PPP1R1C: variants seen among roughly 807,000 people sequenced by gnomAD.
PPP1R1C encodes protein phosphatase 1 regulatory subunit 1C.
PPP1R1C carries 15 observed loss-of-function variants against 17.4 expected under a neutral mutation model. The observed-to-expected ratio is 0.86, with a 90% CI of 0.58 to 1.33. The LOEUF (loss-of-function observed/expected upper bound fraction) is 1.33, where lower values mean the gene tolerates loss of function less well. Ranked by LOEUF, PPP1R1C falls within the 40% of genes most tolerant of loss-of-function variation. The pLI, the probability that PPP1R1C is intolerant of heterozygous loss-of-function variation, is 0.00. For synonymous variants in PPP1R1C, 35 were observed against 43.1 expected, an observed-to-expected ratio of 0.81 and a Z score of 0.73; for missense variants, 143 against 130.0, an observed-to-expected ratio of 1.10 and a Z score of -0.48.
rs1024242974 is a variant in PPP1R1C, at chr2:181,957,314, G to A, written n.111+2680G>A. 2.0e-5 allele frequency among the ~76,000 whole-genome samples: 3 copies of A among 152,020 alleles called. No individual in the cohort carries two copies. Among genetic ancestry groups the A allele is most frequent in the Non-Finnish European group, 2.9e-5 (2 of 67,994 alleles). ...GGAGGTTGTGGTAAGCCGAGGTAGC[G>A]CCACTGCACTTCAACCTGGGCGACA... On this transcript the variant is annotated intron_variant and non_coding_transcript_variant, in intron 1 of 5. Transcript: ENST00000464264. This position sits in a 1 kb window ranked among gnomAD's most constrained non-coding sequence, Gnocchi z 4.2.
chr2:182,071,785 C>A (rs1688147340), intron 4 of PPP1R1C, among the ~76,000 whole-genome samples: 1 of 152,180 alleles, frequency 6.6e-6, no homozygotes, highest in Non-Finnish European at 1.5e-5. Context: ...ATATTACTTA[C>A]TTTGTTGCTC....
Position 181,985,919 on chromosome 2 carries a change from T to G in PPP1R1C, c.-192T>G, listed in dbSNP as rs1478543320. 1.6e-6 allele frequency: 1 copy of G among 607,664 alleles called. No individual in the cohort carries two copies. Among genetic ancestry groups the G allele is most frequent in the Non-Finnish European group, 2.9e-6 (1 of 340,910 alleles). The allele number at this position is 607,664 out of a possible 1,614,324, so 37.6% of individuals were successfully genotyped here. On this transcript the variant is annotated 5_prime_UTR_variant, in exon 1 of 5. Coordinates refer to ENST00000682840, the MANE Select transcript of PPP1R1C (RefSeq NM_001080545.3). This position sits in a 1 kb window ranked among gnomAD's most constrained non-coding sequence, Gnocchi z 4.1. Reference sequence around the variant, plus strand: ...GGTGGGGGAACAGGCAAGCCAGGCATCACCGTGGATGTTGAAGAAGGGGGT... The same window carrying G: ...GGTGGGGGAACAGGCAAGCCAGGCAGCACCGTGGATGTTGAAGAAGGGGGT...
intron 4 of PPP1R1C, among the ~76,000 whole-genome samples, chr2:182,074,886 G>T (rs1482337597): frequency 6.6e-6 from 1 of 152,158 alleles, no homozygotes; most frequent in Middle Eastern, 3.2e-3. Context: ...CTTGTACTCT[G>T]TGCAACATTC....
In PPP1R1C at chr2:182,044,416, C is replaced by T. The variant is rs184553487; in HGVS notation, c.143-17026C>T. Among the ~76,000 whole-genome samples, 19 of 152,266 alleles carry T rather than the reference C, an allele frequency of 1.2e-4. 1 individual carries two copies. The highest frequency in any genetic ancestry group is 1.9e-4 in the Non-Finnish European group (13 of 68,014). On this transcript the variant is annotated intron_variant, in intron 2 of 4. Coordinates refer to ENST00000682840, the MANE Select transcript of PPP1R1C (RefSeq NM_001080545.3). ...TGAGCTTTTTCTAATTTCTAAAAAA[C>T]GTCATGCTCTCTCACACCTCAGGGA...
chr2:182,125,756 T>A (rs1689858163), intron 5 of PPP1R1C, among the ~76,000 whole-genome samples: 1 of 152,238 alleles, frequency 6.6e-6, no homozygotes, highest in African/African-American at 2.4e-5. Context: ...CCTTTATAAC[T>A]TTTTAATGTG....
chr2:182,028,498 C>T (rs1168581525), intron 2 of PPP1R1C, among the ~76,000 whole-genome samples: 1 of 152,186 alleles, frequency 6.6e-6, no homozygotes, highest in African/African-American at 2.4e-5. Flanking sequence ...GCAGGTTCTT[C>T]AGTTTCCATG....
rs1358709631 is a variant in PPP1R1C at position 182,129,426 on chromosome 2, T to C, written c.*459T>C. The C allele has an allele frequency of 4.6e-5, 7 of 152,274 alleles. No individual in the cohort carries two copies. The East Asian group carries it at 5.8e-4, about 13-fold the overall frequency. 9.4% of individuals were successfully genotyped at this position (152,274 alleles called of 1,614,324 possible). A position where few individuals can be genotyped will look rare whatever the true frequency, so the allele number is the denominator to read the frequency against. ...TGCCTTGTTTCTTTTTCAAATTCCATTGGTCTTGATTTAATTTAGTTCCAC... is the reference window on the plus strand; with the variant it reads ...TGCCTTGTTTCTTTTTCAAATTCCACTGGTCTTGATTTAATTTAGTTCCAC... On this transcript the variant is annotated 3_prime_UTR_variant, in exon 6 of 6. Coordinates refer to the PPP1R1C transcript ENST00000280295.
In PPP1R1C at chr2:182,112,973, T is replaced by C. The variant is rs751788324; in HGVS notation, c.242-4234T>C. Among the ~76,000 whole-genome samples the C allele has an allele frequency of 2.7e-4, 41 of 152,214 alleles. 1 individual carries two copies. Among genetic ancestry groups the C allele is most frequent in the Admixed American group, 2.7e-3 (41 of 15,278 alleles). On this transcript the variant is annotated intron_variant, in intron 4 of 4. Transcript: ENST00000682840. ...TATCATTTGACATTATAATTACTTT[T>C]TTGTAACTTATAGTACTCAAAACAG...
At chr2:181,986,414 T>A (rs1685299488) in intron 1 of PPP1R1C, among the ~76,000 whole-genome samples, 1 of 152,198 alleles carries the variant, frequency 6.6e-6, no homozygotes, top group Admixed American at 6.5e-5. Context: ...AATTAGCACC[T>A]CTGAGGGGAA....
At chr2:182,012,673 G>T (rs1686119919) in intron 2 of PPP1R1C, among the ~76,000 whole-genome samples, 1 of 151,940 alleles carries the variant, frequency 6.6e-6, no homozygotes, top group South Asian at 2.1e-4. Context: ...GTTGTTTTGT[G>T]GTCTTCCTTC....
chr2:182,111,539 C>A (rs1277592821), intron 4 of PPP1R1C, among the ~76,000 whole-genome samples: 1 of 152,000 alleles, frequency 6.6e-6, no homozygotes, highest in East Asian at 1.9e-4. Flanking sequence ...CCCTTGTTGT[C>A]TGTGACCTTC....
At chr2:181,954,992 A>G (rs1304712169) in intron 1 of PPP1R1C, among the ~76,000 whole-genome samples, 2 of 152,228 alleles carry the variant, frequency 1.3e-5, no homozygotes, top group Non-Finnish European at 2.9e-5. Context: ...GTGCTGATAC[A>G]AAAATCAGTC....
intron 2 of PPP1R1C, among the ~76,000 whole-genome samples, chr2:182,034,840 A>T (rs140465925): frequency 6.6e-6 from 1 of 152,226 alleles, no homozygotes; most frequent in Non-Finnish European, 1.5e-5. Context: ...TAGGCCACCA[A>T]AATCAGCAAA....
chr2:181,978,487 C>T (rs781340133), intron 2 of PPP1R1C, among the ~76,000 whole-genome samples: 6 of 152,158 alleles, frequency 3.9e-5, no homozygotes, highest in Admixed American at 6.5e-5. Flanking sequence ...CTTCTTAACT[C>T]GCATGGCTGA....
Position 181,961,252 on chromosome 2 carries a change from G to A in PPP1R1C, n.111+6618G>A. On this transcript the variant is annotated intron_variant and non_coding_transcript_variant, in intron 1 of 5. Coordinates refer to the PPP1R1C transcript ENST00000464264. The surrounding 1 kb of genome is among the most constrained non-coding windows in gnomAD (Gnocchi z 5.8). Reference sequence around the variant, plus strand: ...CATTGGTCTCAGACACCACTTTGCGGCGGGTGGTGGTCTTTGGATGGTTTG... The same window carrying A: ...CATTGGTCTCAGACACCACTTTGCGACGGGTGGTGGTCTTTGGATGGTTTG... The A allele has an allele frequency of 1.3e-6, 1 of 796,204 alleles. No homozygotes were observed. The highest frequency in any genetic ancestry group is 2.2e-6 in the Non-Finnish European group (1 of 459,102). 49.3% of individuals were successfully genotyped at this position (796,204 alleles called of 1,614,324 possible).
At chr2:181,964,287 T>A (rs1684864861) in intron 1 of PPP1R1C, among the ~76,000 whole-genome samples, 1 of 152,230 alleles carries the variant, frequency 6.6e-6, no homozygotes, top group Non-Finnish European at 1.5e-5. Flanking sequence ...CTGTTGCAAA[T>A]GACAAGATTT....
intron 2 of PPP1R1C, among the ~76,000 whole-genome samples, chr2:181,978,111 GCAGGGGAAGTCC>G (rs1411582415): frequency 6.6e-6 from 1 of 152,182 alleles, no homozygotes; most frequent in Non-Finnish European, 1.5e-5. Context: ...GGGGGCTTGT[GCAGGGGAAGTCC>G]CAGTTATAAA....
intron 2 of PPP1R1C, among the ~76,000 whole-genome samples, chr2:182,005,043 T>C (rs2125151770): frequency 6.6e-6 from 1 of 152,310 alleles, no homozygotes; most frequent in African/African-American, 2.4e-5. Context: ...CTGGAAGTAA[T>C]GGCTCAATAA....
rs1303542228 is a variant in PPP1R1C at position 181,992,514 on chromosome 2, G to T, written c.142+4615G>T. Among the ~76,000 whole-genome samples, 8 of 133,452 alleles carry T rather than the reference G, an allele frequency of 6.0e-5. 1 individual carries two copies. Among genetic ancestry groups the T allele is most frequent in the Non-Finnish European group, 1.3e-4 (8 of 59,750 alleles). 87.5% of individuals were successfully genotyped at this position (133,452 alleles called of 152,430 possible). On this transcript the variant is annotated intron_variant, in intron 2 of 4. Coordinates refer to ENST00000682840, the MANE Select transcript of PPP1R1C (RefSeq NM_001080545.3). ...TGGCATCCATTGTTTTCCATTTACC[G>T]TTAAGCAGAGACAATATGGTTACAG...
Sources: allele counts gnomAD v4.1 joint callset (sites outside exome capture counted in the v4.1 genomes callset), GRCh38; gene constraint gnomAD v4.1.1; non-coding constraint Gnocchi (gnomAD v3.1); transcripts MANE v1.5; gene names NCBI Gene and HGNC (gene_info 2026-07-23, HGNC 2026-07-21).